Variants in CAP2 observed in about 807,000 individuals in gnomAD.
The protein encoded by CAP2 is adenylyl cyclase-associated protein 2.
Under a neutral mutation model 57.7 loss-of-function variants are expected in CAP2, and 24 were observed. The ratio of observed to expected loss-of-function variants is 0.42; its 90% CI spans 0.30 to 0.58. CAP2 has a LOEUF of 0.58. CAP2 is among the 20% of genes least tolerant of loss of function. CAP2 has a pLI of 0.22. For synonymous variants in CAP2, 194 were observed against 207.2 expected, an observed-to-expected ratio of 0.94 and a Z score of 0.55; for missense variants, 501 against 590.3, an observed-to-expected ratio of 0.85 and a Z score of 1.57.
chr6:17,543,136 A>T lies in CAP2; in HGVS notation c.1202A>T (p.Gln401Leu). 1.2e-6 allele frequency: 2 copies of T among 1,613,266 alleles called. No homozygotes were observed. Among genetic ancestry groups the T allele is most frequent in the Non-Finnish European group, 8.5e-7 (1 of 1,179,142 alleles). ...IVEVINSQDI[Q>L]IQVMGRVPTI... is the part of the protein sequence containing the mutation. ...GAAGTGATCAACTCCCAGGACATTC[A>T]AATCCAGGTAAGCAGAGCCTTTCCA... The change falls in exon 11 of 13, where the codon CAA becomes CTA. Residue 401 changes from glutamine to leucine, a missense_variant. By Grantham distance (113) the Gln-to-Leu change is moderately radical. Coordinates refer to ENST00000229922, the MANE Select transcript of CAP2 (RefSeq NM_006366.3).
At position 17,527,137 on chromosome 6, in the gene CAP2, A is replaced by G. The variant is rs931393278; in HGVS notation, c.637-12132A>G. 2.6e-5 allele frequency among the ~76,000 whole-genome samples: 4 copies of G among 152,078 alleles called. No individual in the cohort carries two copies. The East Asian group carries it at 7.7e-4, about 29-fold the overall frequency. On this transcript the variant is annotated intron_variant, in intron 7 of 12. Transcript: ENST00000229922. ...TTTTGCCTTAACCCCCACCTCTACT[A>G]TCTACTAAGTATAGATAATTGGAGA...
intron 3 of CAP2, among the ~76,000 whole-genome samples, chr6:17,449,888 C>A (rs116793657): frequency 3.7e-4 from 57 of 152,134 alleles, no homozygotes; most frequent in African/African-American, 1.3e-3. Context: ...TAATTATGAA[C>A]TAGGAAAATA....
rs564250122 is a variant in CAP2 at position 17,525,820 on chromosome 6, C to T, written c.636+11866C>T. 4.8e-4 allele frequency among the ~76,000 whole-genome samples: 73 copies of T among 152,244 alleles called. 1 individual carries two copies. The South Asian group carries it at 5.0e-3, about 10-fold the overall frequency. ...GGGCAAGAGCCTTCCAAACTAGACA[C>T]GCCCTGAGCAAAGACTCAAAGTCTG... On this transcript the variant is annotated intron_variant, in intron 7 of 12. Coordinates refer to ENST00000229922, the MANE Select transcript of CAP2 (RefSeq NM_006366.3).
intron 1 of CAP2, among the ~76,000 whole-genome samples, chr6:17,419,788 A>G (rs531869670): frequency 2.0e-5 from 3 of 152,106 alleles, no homozygotes; most frequent in Non-Finnish European, 4.4e-5. Context: ...GGTTCAAGCA[A>G]TTCTCCTGCC....
intron 2 of CAP2, among the ~76,000 whole-genome samples, chr6:17,423,981 T>G (rs1328908942): frequency 6.6e-6 from 1 of 152,222 alleles, no homozygotes; most frequent in African/African-American, 2.4e-5. Context: ...TTAGTAAGTT[T>G]TGACAATTTT....
intron 7 of CAP2, among the ~76,000 whole-genome samples, chr6:17,531,946 A>G (rs1762653104): frequency 6.6e-6 from 1 of 152,074 alleles, no homozygotes; most frequent in Admixed American, 6.6e-5. Flanking sequence ...TGAGCTTCTT[A>G]AAAAACAGAA....
In CAP2 at chr6:17,440,818, A is replaced by T. The variant is rs190949470; in HGVS notation, c.222+14128A>T. Among the ~76,000 whole-genome samples the T allele has an allele frequency of 3.1e-3, 469 of 150,898 alleles. 10 individuals are homozygous for T. The highest frequency in any genetic ancestry group is 0.028 in the Admixed American group (424 of 15,200). Reference sequence around the variant, plus strand: ...TATTTCTCCTAATGCTATCCCTCCCACATCCCCCCACCCCATGACAGGCCC... The same window carrying T: ...TATTTCTCCTAATGCTATCCCTCCCTCATCCCCCCACCCCATGACAGGCCC... On this transcript the variant is annotated intron_variant, in intron 3 of 12. Coordinates refer to ENST00000229922, the MANE Select transcript of CAP2 (RefSeq NM_006366.3).
intron 4 of CAP2, among the ~76,000 whole-genome samples, chr6:17,479,858 G>A (rs9396777): frequency 0.62 from 94,046 of 151,576 alleles, 33,349 homozygotes; most frequent in East Asian, 0.97. Context: ...CTCGTGATCC[G>A]CCCACCTCGG....
chr6:17,521,820 G>A (rs1194913289), intron 7 of CAP2, among the ~76,000 whole-genome samples: 1 of 151,976 alleles, frequency 6.6e-6, no homozygotes, highest in Non-Finnish European at 1.5e-5. Flanking sequence ...GAAAGCTCAG[G>A]CCCCTTGATT....
At chr6:17,423,801 A>T (rs1759505791) in intron 2 of CAP2, among the ~76,000 whole-genome samples, 1 of 152,220 alleles carries the variant, frequency 6.6e-6, no homozygotes, top group African/African-American at 2.4e-5. Flanking sequence ...TTCTCATATA[A>T]CAAATCGTTC....
Position 17,541,044 on chromosome 6 carries a change from C to G in CAP2, c.898C>G (p.Gln300Glu), listed in dbSNP as rs1338694460. 6.2e-7 allele frequency: 1 copy of G among 1,613,922 alleles called. No homozygotes were observed. Among genetic ancestry groups the G allele is most frequent in the Non-Finnish European group, 8.5e-7 (1 of 1,179,928 alleles). ...CCTGCGGGCTCAAGGAGGGCAAACT[C>G]AATCTCCCACCAAAAGTCACACTCC... ...PSLRAQGGQT[Q>E]SPTKSHTPSP... is the part of the protein sequence containing the mutation. Residue 300 changes from glutamine (Q) to glutamate (E), a missense_variant, in exon 9 of 13, where the codon CAA becomes GAA. Coordinates refer to ENST00000229922, the MANE Select transcript of CAP2 (RefSeq NM_006366.3).
rs1460617430 is a variant in CAP2 at position 17,446,417 on chromosome 6, G to A, written c.223-16579G>A. Among the ~76,000 whole-genome samples the A allele has an allele frequency of 3.3e-5, 5 of 152,160 alleles. No homozygotes were observed. The East Asian group carries it at 9.6e-4, about 29-fold the overall frequency. Reference sequence around the variant, plus strand: ...CTTTATATGAGTATATAGTTATGCTGCTTTGGTGCTTAGCAACCATTATTG... The same window carrying A: ...CTTTATATGAGTATATAGTTATGCTACTTTGGTGCTTAGCAACCATTATTG... On this transcript the variant is annotated intron_variant, in intron 3 of 12. Transcript: ENST00000229922.
At chr6:17,424,683 C>A (rs1759537955) in intron 2 of CAP2, among the ~76,000 whole-genome samples, 1 of 152,156 alleles carries the variant, frequency 6.6e-6, no homozygotes, top group Non-Finnish European at 1.5e-5. Flanking sequence ...CTATTCATGG[C>A]CCCAAATTCT....
At chr6:17,426,523 C>T in intron 2 of CAP2, 67 bp from the exon 3 acceptor site, 1 of 1,166,078 alleles carries the variant, frequency 8.6e-7, no homozygotes, top group South Asian at 1.2e-5. Flanking sequence ...GTGTGAGCCA[C>T]CGTGCCCGGC....
intron 1 of CAP2, among the ~76,000 whole-genome samples, chr6:17,398,266 A>G (rs1486497598): frequency 6.6e-6 from 1 of 152,176 alleles, no homozygotes; most frequent in East Asian, 1.9e-4. Flanking sequence ...ACTAAACCTC[A>G]TTAAAAGTTG....
chr6:17,424,761 CAG>C (rs1185388753), intron 2 of CAP2, among the ~76,000 whole-genome samples: 1 of 152,196 alleles, frequency 6.6e-6, no homozygotes, highest in Non-Finnish European at 1.5e-5. Context: ...GAGGTGTGAA[CAG>C]AGTTGAACGA....
At chr6:17,525,786 TAGTC>T (rs1027454995) in intron 7 of CAP2, among the ~76,000 whole-genome samples, 5 of 152,112 alleles carry the variant, frequency 3.3e-5, no homozygotes, top group African/African-American at 9.7e-5. Flanking sequence ...GTTTTCCAGA[TAGTC>T]AGTTGGGCAA....
intron 7 of CAP2, among the ~76,000 whole-genome samples, chr6:17,517,393 GATT>G (rs1762295728): frequency 6.6e-6 from 1 of 152,182 alleles, no homozygotes; most frequent in South Asian, 2.1e-4. Flanking sequence ...AAAGAGAATT[GATT>G]ATTAATTACA....
chr6:17,398,387 A>C (rs1314122743), intron 1 of CAP2, among the ~76,000 whole-genome samples: 1 of 152,306 alleles, frequency 6.6e-6, no homozygotes, highest in East Asian at 1.9e-4. Context: ...TGAGTTAGGC[A>C]GTGAGTTTTG....
Sources: allele counts gnomAD v4.1 joint callset (sites outside exome capture counted in the v4.1 genomes callset), GRCh38; gene constraint gnomAD v4.1.1; transcripts MANE v1.5; gene names NCBI Gene and HGNC (gene_info 2026-07-23, HGNC 2026-07-21).